Variants in TRDN observed in about 807,000 individuals in gnomAD.
The protein encoded by TRDN is triadin.
In TRDN, 161 loss-of-function variants were observed where a neutral mutation model predicts 149.7. The observed-to-expected ratio is 1.08, with a 90% confidence interval of 0.95 to 1.23. The LOEUF (loss-of-function observed/expected upper bound fraction) is 1.23, where lower values mean the gene tolerates loss of function less well. Among genes scored for constraint, TRDN ranks in the 50% most tolerant of loss-of-function variants. The pLI, the probability that TRDN is intolerant of heterozygous loss-of-function variation, is 0.00. For synonymous variants in TRDN, 294 were observed against 250.5 expected (o/e 1.17, Z -1.64); for missense variants, 896 against 823.5 (o/e 1.09, Z -1.08).
intron 7 of TRDN, among the ~76,000 whole-genome samples, chr6:123,511,936 T>G (rs1779201508): frequency 6.6e-6 from 1 of 152,036 alleles, no homozygotes; most frequent in African/African-American, 2.4e-5. Flanking sequence ...TGAGCCCACC[T>G]GGATAATCCA....
At chr6:123,268,399 A>G (rs1190106125) in intron 31 of TRDN, among the ~76,000 whole-genome samples, 2 of 152,082 alleles carry the variant, frequency 1.3e-5, no homozygotes, top group African/African-American at 4.8e-5. Context: ...TCTGAAAAAT[A>G]TTTGAATTAA....
rs1248168454 is a variant in TRDN at position 123,217,753 on chromosome 6, T to A, written c.*848A>T. Reference sequence around the variant, plus strand: ...AAAGTGAAATGAAAATATTTTTATATTTGTCACCCAAATTTAGTGATTGAT... The same window carrying A: ...AAAGTGAAATGAAAATATTTTTATAATTGTCACCCAAATTTAGTGATTGAT... On this transcript the variant is annotated 3_prime_UTR_variant, in exon 41 of 41. Coordinates refer to ENST00000334268, the MANE Select transcript of TRDN (RefSeq NM_006073.4). 1 of 152,048 alleles carries A rather than the reference T, an allele frequency of 6.6e-6. No individual in the cohort carries two copies. The highest frequency in any genetic ancestry group is 1.5e-5 in the Non-Finnish European group (1 of 67,962). The allele number at this position is 152,048 out of a possible 1,614,324, so 9.4% of individuals were successfully genotyped here.
chr6:123,279,129 TATTAA>T (rs1443209731), intron 24 of TRDN, 47 bp from the exon 25 acceptor site: 1 of 1,461,842 alleles, frequency 6.8e-7, no homozygotes, highest in Non-Finnish European at 9.4e-7. Flanking sequence ...ATACAATTCT[TATTAA>T]ATTAACATTA....
chr6:123,262,161 A>G (rs1776795531), intron 33 of TRDN, among the ~76,000 whole-genome samples: 2 of 152,004 alleles, frequency 1.3e-5, no homozygotes. Context: ...GAATTACAAA[A>G]TAAAATGTAC....
chr6:123,453,412 A>G (rs565398682), intron 10 of TRDN, among the ~76,000 whole-genome samples: 1 of 152,298 alleles, frequency 6.6e-6, no homozygotes, highest in Admixed American at 6.5e-5. Flanking sequence ...GACAGTAAGA[A>G]AAAAAACAGA....
At chr6:123,331,997 G>A (rs1779676684) in intron 22 of TRDN, 68 bp from the exon 23 acceptor site, 2 of 1,221,708 alleles carry the variant, frequency 1.6e-6, no homozygotes, top group African/African-American at 3.1e-5. Context: ...TATAAATGAA[G>A]TCAGTAAGCT....
Position 123,516,472 on chromosome 6 carries a change from A to G in TRDN, c.485-266T>C, listed in dbSNP as rs9385302. On this transcript the variant is annotated intron_variant, in intron 5 of 40. Coordinates refer to ENST00000334268, the MANE Select transcript of TRDN (RefSeq NM_006073.4). ...TAAGAATACCCCCGTCAGCTTTTCCAAATCTTTAATTGAAATAATTGGAAA... is the reference window on the plus strand; with the variant it reads ...TAAGAATACCCCCGTCAGCTTTTCCGAATCTTTAATTGAAATAATTGGAAA... Among the ~76,000 whole-genome samples the G allele has an allele frequency of 0.86, 130,564 of 152,020 alleles. 56,071 individuals carry two copies. The highest frequency in any genetic ancestry group is 0.89 in the East Asian group (4,576 of 5,170).
chr6:123,474,138 A>G (rs1777336803), intron 9 of TRDN, among the ~76,000 whole-genome samples: 1 of 148,952 alleles, frequency 6.7e-6, no homozygotes, highest in African/African-American at 2.5e-5. Flanking sequence ...CAATTAAAAG[A>G]CACAGACTGG....
chr6:123,264,873 A>G (rs1270946235), intron 33 of TRDN, among the ~76,000 whole-genome samples: 1 of 152,040 alleles, frequency 6.6e-6, no homozygotes. Context: ...AAATTAAGCT[A>G]TGTACATTTT....
intron 23 of TRDN, among the ~76,000 whole-genome samples, chr6:123,318,556 G>C (rs1779119931): frequency 6.6e-6 from 1 of 151,910 alleles, no homozygotes; most frequent in Non-Finnish European, 1.5e-5. Flanking sequence ...TCCGAAGTAT[G>C]GCTAATTTGA....
chr6:123,240,721 G>A (rs1057481551), intron 38 of TRDN, among the ~76,000 whole-genome samples: 9 of 151,806 alleles, frequency 5.9e-5, no homozygotes, highest in Non-Finnish European at 7.4e-5. Context: ...AACTACATCC[G>A]AATTAGACTA....
At chr6:123,537,149 A>C (rs1238128684) in intron 4 of TRDN, among the ~76,000 whole-genome samples, 1 of 152,184 alleles carries the variant, frequency 6.6e-6, no homozygotes, top group Non-Finnish European at 1.5e-5. Flanking sequence ...AACAGAAAAA[A>C]ATTGAGAGCA....
intron 5 of TRDN, among the ~76,000 whole-genome samples, chr6:123,519,410 T>A (rs1779563094): frequency 6.6e-6 from 1 of 150,730 alleles, no homozygotes; most frequent in Admixed American, 6.6e-5. Context: ...ACCCTGGCAG[T>A]CACCAGGCAG....
At chr6:123,229,149 C>A (rs1323702409) in intron 38 of TRDN, among the ~76,000 whole-genome samples, 1 of 151,896 alleles carries the variant, frequency 6.6e-6, no homozygotes, top group East Asian at 1.9e-4. Flanking sequence ...GTGAATCCAT[C>A]CTCCTATCCA....
chr6:123,498,076 T>A (rs1303234734), intron 8 of TRDN: 2 of 155,748 alleles, frequency 1.3e-5, no homozygotes, highest in African/African-American at 4.8e-5. Flanking sequence ...AACTCAAAGC[T>A]CAATTGATGA....
chr6:123,443,122 C>T (rs73770108), intron 10 of TRDN, among the ~76,000 whole-genome samples: 4 of 151,660 alleles, frequency 2.6e-5, no homozygotes, highest in Non-Finnish European at 4.4e-5. Context: ...TTGCAAATAT[C>T]GATGGCATGT....
At chr6:123,232,335 C>G (rs538336562) in intron 38 of TRDN, among the ~76,000 whole-genome samples, 2 of 152,130 alleles carry the variant, frequency 1.3e-5, no homozygotes, top group Admixed American at 1.3e-4. Context: ...GGTAATTCAG[C>G]TTTACAATTT....
chr6:123,629,668 TA>T (rs1375842794), intron 1 of TRDN, among the ~76,000 whole-genome samples: 2 of 152,114 alleles, frequency 1.3e-5, no homozygotes, highest in African/African-American at 4.8e-5. Flanking sequence ...AAGTACATTG[TA>T]AGTGAGATAG....
At chr6:123,508,468 C>T in intron 7 of TRDN, among the ~76,000 whole-genome samples, 1 of 152,158 alleles carries the variant, frequency 6.6e-6, no homozygotes, top group East Asian at 1.9e-4. Context: ...ACCTCTGCCA[C>T]ATCATCAAAC....
Sources: gnomAD v4.1 joint callset for allele counts (sites outside exome capture counted in the v4.1 genomes callset) on GRCh38, gnomAD v4.1.1 for gene constraint, MANE v1.5 for transcripts, NCBI Gene and HGNC (gene_info 2026-07-23, HGNC 2026-07-21) for gene names.